The following SLC27A6 variants were observed in gnomAD, a reference collection of about 807,000 sequenced individuals.
The protein encoded by SLC27A6 is solute carrier family 27 member 6.
Under a neutral mutation model 63.9 loss-of-function variants are expected in SLC27A6, and 74 were observed. That is an observed-to-expected ratio of 1.16 (90% CI 0.96 to 1.40). The LOEUF (loss-of-function observed/expected upper bound fraction) is 1.40. SLC27A6 is among the 40% of genes most tolerant of loss of function. The pLI is 0.00. For missense variants in SLC27A6, 794 were observed against 732.9 expected (o/e 1.08, Z -0.96); for synonymous variants, 287 against 260.8 (o/e 1.10, Z -0.97).
At chr5:128,987,886 A>T (rs899529542) in intron 2 of SLC27A6, among the ~76,000 whole-genome samples, 2 of 152,170 alleles carry the variant, frequency 1.3e-5, no homozygotes, top group Non-Finnish European at 2.9e-5. Context: ...TTGTTTTCAA[A>T]TTCAAAAATA....
intron 4 of SLC27A6, among the ~76,000 whole-genome samples, chr5:129,014,749 A>G (rs1751836456): frequency 6.6e-6 from 1 of 152,168 alleles, no homozygotes; most frequent in African/African-American, 2.4e-5. Flanking sequence ...TTTCCTGCCA[A>G]GCTTTCTGCT....
At chr5:128,994,882 C>G (rs978123052) in intron 4 of SLC27A6, among the ~76,000 whole-genome samples, 25 of 152,214 alleles carry the variant, frequency 1.6e-4, no homozygotes, top group African/African-American at 6.0e-4. Flanking sequence ...CTATTCCCCA[C>G]TGCTTCTCTT....
intron 5 of SLC27A6, among the ~76,000 whole-genome samples, chr5:129,020,113 G>A (rs976871824): frequency 3.9e-5 from 6 of 152,004 alleles, no homozygotes; most frequent in African/African-American, 1.2e-4. Flanking sequence ...AAACATCTCA[G>A]GCATTCTCAA....
At chr5:128,988,458 A>G in intron 2 of SLC27A6, 142 bp from the exon 3 acceptor site, 1 of 620,752 alleles carries the variant, frequency 1.6e-6, no homozygotes, top group Admixed American at 3.3e-5. Flanking sequence ...CTACTTTGAT[A>G]TATTTTCTGT....
chr5:128,987,195 T>C (rs111284087), intron 2 of SLC27A6, among the ~76,000 whole-genome samples: 20 of 152,096 alleles, frequency 1.3e-4, no homozygotes, highest in African/African-American at 4.3e-4. Flanking sequence ...TTAATATATA[T>C]AACTTCTTTT....
chr5:129,015,954 G>T lies in SLC27A6; in HGVS notation c.1039G>T (p.Glu347Ter). Residue 347 changes from glutamate (E) to a stop codon, truncating the protein, a stop_gained, in exon 5 of 10, where the codon GAA becomes TAA. Coordinates refer to ENST00000262462, the MANE Select transcript of SLC27A6 (RefSeq NM_001017372.3). LOFTEE classifies it high-confidence loss of function. ...TGGCATACGGAGTGATGTATGGAGAGAATTTTTAGACAGATTTGGAAATAT... is the reference window on the plus strand; with the variant it reads ...TGGCATACGGAGTGATGTATGGAGATAATTTTTAGACAGATTTGGAAATAT... The part of the protein sequence containing the change: ...GNGIRSDVWR[E>*]FLDRFGNIKV... The T allele has an allele frequency of 6.2e-7, 1 of 1,608,912 alleles. No individual in the cohort carries two copies. Among genetic ancestry groups the T allele is most frequent in the Non-Finnish European group, 8.5e-7 (1 of 1,177,952 alleles).
chr5:128,974,641 A>AC (rs1451217951), intron 1 of SLC27A6, among the ~76,000 whole-genome samples: 1 of 152,104 alleles, frequency 6.6e-6, no homozygotes, highest in Non-Finnish European at 1.5e-5. Context: ...AAATCATTAT[A>AC]CCCCCAGGGA....
At chr5:128,993,776 A>C (rs551084155) in intron 4 of SLC27A6, among the ~76,000 whole-genome samples, 3 of 152,246 alleles carry the variant, frequency 2.0e-5, no homozygotes, top group South Asian at 4.2e-4. Flanking sequence ...GAGAGAACTG[A>C]GAATTGAAAA....
intron 3 of SLC27A6, among the ~76,000 whole-genome samples, chr5:128,989,811 C>T (rs1457976850): frequency 6.6e-6 from 1 of 151,462 alleles, no homozygotes; most frequent in Non-Finnish European, 1.5e-5. Context: ...GTAGTCCCAG[C>T]TACTCGGGAG....
intron 4 of SLC27A6, among the ~76,000 whole-genome samples, chr5:129,005,608 A>ATTTTTTTTTTTTTTTTTTTTTTTTTTTT: frequency 1.0e-5 from 1 of 98,916 alleles, no homozygotes; most frequent in Non-Finnish European, 1.9e-5. Flanking sequence ...GTCTGGTTGT[A>ATTTTTTTTTTTTTTTTTTTTTTTTTTTT]TTTTTTTTTT....
At chr5:128,976,513 TCAAA>T (rs1192962694) in intron 1 of SLC27A6, among the ~76,000 whole-genome samples, 1 of 150,444 alleles carries the variant, frequency 6.6e-6, no homozygotes, top group Non-Finnish European at 1.5e-5. Context: ...AAACTCCGTC[TCAAA>T]CAAAACAAAA....
chr5:128,989,118 G>C (rs1017272094), intron 3 of SLC27A6, among the ~76,000 whole-genome samples: 4 of 152,318 alleles, frequency 2.6e-5, no homozygotes, highest in African/African-American at 7.2e-5. Context: ...GCCTAGTCTT[G>C]AAAGACACAT....
At chr5:128,985,044 A>G in intron 1 of SLC27A6, 89 bp from the exon 2 acceptor site, 1 of 805,976 alleles carries the variant, frequency 1.2e-6, no homozygotes, top group South Asian at 1.8e-5. Flanking sequence ...TTTACATTTT[A>G]TCCCTGTTTC....
At chr5:128,970,041 G>T (rs1198117642) in intron 1 of SLC27A6, among the ~76,000 whole-genome samples, 3 of 151,668 alleles carry the variant, frequency 2.0e-5, no homozygotes, top group Admixed American at 1.3e-4. Context: ...TTTGTCTTTG[G>T]TTCTGTTTAT....
chr5:129,002,863 TCTCTTTGTTTCGCCTGAC>T (rs1751388016), intron 4 of SLC27A6, among the ~76,000 whole-genome samples: 1 of 152,216 alleles, frequency 6.6e-6, no homozygotes, highest in Non-Finnish European at 1.5e-5. Flanking sequence ...AAGCATGTTC[TCTCTTTGTTTCGCCTGAC>T]CTGGCAGCCC....
chr5:128,969,042 T>C, intron 1 of SLC27A6, among the ~76,000 whole-genome samples: 1 of 152,172 alleles, frequency 6.6e-6, no homozygotes, highest in African/African-American at 2.4e-5. Context: ...ATTTCTTGTT[T>C]TTGTCAGGTT....
chr5:128,986,198 C>T (rs1015260897), intron 2 of SLC27A6, among the ~76,000 whole-genome samples: 1 of 152,038 alleles, frequency 6.6e-6, no homozygotes, highest in African/African-American at 2.4e-5. Flanking sequence ...CCTGTAGTAC[C>T]AGCTACTCAG....
At chr5:129,028,552 TA>T (rs1752319785) in intron 8 of SLC27A6, 110 bp downstream of exon 8, 1 of 643,670 alleles carries the variant, frequency 1.6e-6, no homozygotes, top group Non-Finnish European at 2.6e-6. Context: ...TGTATTAAGA[TA>T]AAGATTTTAT....
At chr5:128,985,421 T>A in intron 2 of SLC27A6, 85 bp downstream of exon 2, 1 of 1,064,400 alleles carries the variant, frequency 9.4e-7, no homozygotes, top group Non-Finnish European at 1.4e-6. Context: ...CCATGTGTAG[T>A]GACCAACCAT....
Sources: gnomAD v4.1 joint callset for allele counts (sites outside exome capture counted in the v4.1 genomes callset) on GRCh38, gnomAD v4.1.1 for gene constraint, MANE v1.5 for transcripts, NCBI Gene and HGNC (gene_info 2026-07-23, HGNC 2026-07-21) for gene names.